Variants in SKA3 observed in about 807,000 individuals in gnomAD.
SKA3 encodes spindle and kinetochore-associated protein 3.
A neutral mutation model predicts 44.2 loss-of-function variants in SKA3; 39 were observed. That is an observed-to-expected ratio of 0.88 (90% CI 0.68 to 1.15). SKA3 has a LOEUF of 1.15. Among genes scored for constraint, SKA3 ranks in the 50% most tolerant of loss-of-function variants. SKA3 has a pLI of 0.00. For synonymous variants in SKA3, 192 were observed against 172.0 expected, an observed-to-expected ratio of 1.12 and a Z score of -0.91; for missense variants, 511 against 485.8, an observed-to-expected ratio of 1.05 and a Z score of -0.49.
chr13:21,176,450 TC>T lies in SKA3; in HGVS notation c.27del (p.Lys10SerfsTer32). 6.3e-7 allele frequency: 1 copy of T among 1,578,220 alleles called. No homozygotes were observed. The highest frequency in any genetic ancestry group is 8.6e-7 in the Non-Finnish European group (1 of 1,163,092). MDPIRSFC[G>X]KLRSLASTLD... is the part of the protein sequence containing the mutation. ...AGCGTGCTGGCCAGAGACCGCAGCT[TC>T]CCGCAGAAGCTCCGGATAGGGTCCA... On this transcript the variant is annotated frameshift_variant, in exon 1 of 9. Coordinates refer to ENST00000314759, the MANE Select transcript of SKA3 (RefSeq NM_145061.6). LOFTEE classifies it high-confidence loss of function.
intron 4 of SKA3, among the ~76,000 whole-genome samples, chr13:21,164,575 T>C (rs183101470): frequency 2.3e-3 from 358 of 152,364 alleles, no homozygotes; most frequent in African/African-American, 8.2e-3. Flanking sequence ...ACTATTTTGA[T>C]AGACAAAACT....
At chr13:21,172,550 C>T in intron 2 of SKA3, 46 bp from the exon 3 acceptor site, 1 of 1,334,460 alleles carries the variant, frequency 7.5e-7, no homozygotes, top group South Asian at 1.6e-5. Context: ...TAACTTCTGA[C>T]TAAATCTATT....
chr13:21,174,409 G>C (rs9552381), intron 1 of SKA3, among the ~76,000 whole-genome samples: 139,449 of 152,188 alleles, frequency 0.92, 64,196 homozygotes, highest in East Asian at 1. Flanking sequence ...CCATAAAAAA[G>C]GATAAGTTCA....
intron 1 of SKA3, 122 bp downstream of exon 1, chr13:21,176,253 C>T (rs2137390926): frequency 1.3e-6 from 1 of 779,678 alleles, no homozygotes; most frequent in Non-Finnish European, 1.9e-6. Context: ...CCCTGCGCCT[C>T]GGTGGCAGCC....
At chr13:21,165,524 A>C (rs1870662366) in intron 4 of SKA3, among the ~76,000 whole-genome samples, 1 of 152,174 alleles carries the variant, frequency 6.6e-6, no homozygotes. Flanking sequence ...CTTGAATTTT[A>C]TTATTTCTAT....
chr13:21,157,882 A>G (rs1371093897), intron 7 of SKA3, 40 bp downstream of exon 7: 2 of 954,572 alleles, frequency 2.1e-6, no homozygotes, highest in African/African-American at 2.0e-5. Flanking sequence ...ATTGAAAAGA[A>G]TATCAGCAAA....
chr13:21,157,428 CAGGCACTTGCTACACAGTGAT>C (rs1329291994), intron 7 of SKA3, among the ~76,000 whole-genome samples: 1 of 152,194 alleles, frequency 6.6e-6, no homozygotes, highest in Non-Finnish European at 1.5e-5. Flanking sequence ...CTGAATAGTG[CAGGCACTTGCTACACAGTGAT>C]AAGCACTTGT....
At chr13:21,159,827 C>G (rs927247507) in intron 6 of SKA3, 75 bp downstream of exon 6, 9 of 1,132,984 alleles carry the variant, frequency 7.9e-6, no homozygotes, top group Admixed American at 2.3e-5. Context: ...TAAACAGACT[C>G]TTTGAGCCTG....
chr13:21,170,299 C>T (rs999062522), intron 3 of SKA3, among the ~76,000 whole-genome samples: 1 of 151,578 alleles, frequency 6.6e-6, no homozygotes, highest in African/African-American at 2.4e-5. Context: ...CTTGTATGAG[C>T]CTAATGAGTA....
intron 3 of SKA3, among the ~76,000 whole-genome samples, chr13:21,171,525 C>T (rs942468456): frequency 1.4e-4 from 21 of 149,568 alleles, no homozygotes; most frequent in African/African-American, 4.9e-4. Context: ...TGCAGTGAGC[C>T]GAGATCGCGC....
chr13:21,168,247 C>T lies in SKA3; in HGVS notation c.484G>A (p.Gly162Arg). Reference protein sequence around the residue: ...SPRSPQLSDFGLERYIVSQVL... With the variant: ...SPRSPQLSDFRLERYIVSQVL... The stretch of plus-strand genomic sequence containing the variant: ...TGGGATACGATGTACCGCTCAAGTC[C>T]AAAATCTGAAAGTTGTGGACTACGT... Residue 162 changes from glycine (G) to arginine (R), a missense_variant, in exon 4 of 9, where the codon GGA (glycine) becomes AGA (arginine). Transcript: ENST00000314759. 1 of 1,614,168 alleles carries T rather than the reference C, an allele frequency of 6.2e-7. No homozygotes were observed. The highest frequency in any genetic ancestry group is 8.5e-7 in the Non-Finnish European group (1 of 1,180,028).
intron 7 of SKA3, among the ~76,000 whole-genome samples, chr13:21,157,616 T>C (rs7330822): frequency 0.86 from 131,054 of 152,174 alleles, 56,679 homozygotes; most frequent in East Asian, 0.99. Context: ...TCCAAGAAGT[T>C]TCAAGTTCAA....
At chr13:21,174,116 T>A (rs1328150277) in intron 1 of SKA3, among the ~76,000 whole-genome samples, 1 of 152,182 alleles carries the variant, frequency 6.6e-6, no homozygotes, top group East Asian at 1.9e-4. Context: ...TGTGGAGAAA[T>A]AGGAACACTT....
At chr13:21,172,780 G>T in intron 1 of SKA3, 99 bp from the exon 2 acceptor site, 1 of 668,350 alleles carries the variant, frequency 1.5e-6, no homozygotes, top group Non-Finnish European at 2.5e-6. Flanking sequence ...AATGACATTG[G>T]TCAATCACAG....
intron 5 of SKA3, 60 bp from the exon 6 acceptor site, chr13:21,160,047 G>C: frequency 9.2e-7 from 1 of 1,087,348 alleles, no homozygotes. Context: ...TAACTGGACA[G>C]GAAGAAAATC....
chr13:21,175,580 T>C (rs1030486207), intron 1 of SKA3, among the ~76,000 whole-genome samples: 2 of 152,114 alleles, frequency 1.3e-5, no homozygotes, highest in Admixed American at 6.6e-5. Context: ...CGGGCAGAAA[T>C]AGACATTTTC....
Position 21,176,409 on chromosome 13 carries a change from G to C in SKA3, c.69C>G (p.Ala23=). ...CTCCGTCCAGCGCTCGCTGCAGCCG[G>C]GCCGTCTCGCAGTCCAGCGTGCTGG... is the stretch of plus-strand genomic sequence containing the variant. The part of the protein sequence containing the change: ...SLASTLDCET[A]RLQRALDGEE... Residue 23 remains alanine, a synonymous_variant, in exon 1 of 9, where the codon GCC becomes GCG. Coordinates refer to ENST00000314759, the MANE Select transcript of SKA3 (RefSeq NM_145061.6). The C allele has an allele frequency of 6.3e-7, 1 of 1,582,178 alleles. No individual in the cohort carries two copies. The highest frequency in any genetic ancestry group is 8.6e-7 in the Non-Finnish European group (1 of 1,165,090).
intron 1 of SKA3, among the ~76,000 whole-genome samples, chr13:21,175,533 C>A (rs1383489431): frequency 6.6e-6 from 1 of 152,150 alleles, no homozygotes; most frequent in Non-Finnish European, 1.5e-5. Context: ...GCCTCAGCCT[C>A]CCAAAGTGCT....
intron 4 of SKA3, among the ~76,000 whole-genome samples, chr13:21,166,387 A>T (rs1189700298): frequency 6.6e-6 from 1 of 152,070 alleles, no homozygotes; most frequent in Non-Finnish European, 1.5e-5. Context: ...TATATCTGAA[A>T]TTTTCAAATT....
Sources: gnomAD v4.1 joint callset for allele counts (sites outside exome capture counted in the v4.1 genomes callset) on GRCh38, gnomAD v4.1.1 for gene constraint, MANE v1.5 for transcripts, NCBI Gene and HGNC (gene_info 2026-07-23, HGNC 2026-07-21) for gene names.